MFHAS1: variants seen among roughly 807,000 people sequenced by gnomAD.
The protein encoded by MFHAS1 is malignant fibrous histiocytoma-amplified sequence 1.
A neutral mutation model predicts 70.4 loss-of-function variants in MFHAS1; 50 were observed. The observed-to-expected ratio is 0.71, with a 90% CI of 0.57 to 0.90. MFHAS1 has a LOEUF of 0.90. Ranked by LOEUF, MFHAS1 falls within the 40% of genes least tolerant of loss-of-function variation. MFHAS1 has a pLI of 0.00. For synonymous variants in MFHAS1, 952 were observed against 620.0 expected (o/e 1.54, Z -7.96); for missense variants, 1,795 against 1,347.6 (o/e 1.33, Z -5.20).
rs1037772312 is a variant in MFHAS1 at position 8,801,599 on chromosome 8, T to G, written c.2999-4108A>C. Among the ~76,000 whole-genome samples, 3 of 152,250 alleles carry G rather than the reference T, an allele frequency of 2.0e-5. No homozygotes were observed. The East Asian group carries it at 5.8e-4, about 29-fold the overall frequency. On this transcript the variant is annotated intron_variant, in intron 1 of 2. Coordinates refer to ENST00000276282, the MANE Select transcript of MFHAS1 (RefSeq NM_004225.3). ...TTTCAAAATGATCTTAACTCACATATGAAGAATGGTTTATTTGTGTGCTAT... is the reference window on the plus strand; with the variant it reads ...TTTCAAAATGATCTTAACTCACATAGGAAGAATGGTTTATTTGTGTGCTAT...
At chr8:8,801,890 A>G (rs1322458241) in intron 1 of MFHAS1, among the ~76,000 whole-genome samples, 2 of 152,296 alleles carry the variant, frequency 1.3e-5, no homozygotes, top group Non-Finnish European at 2.9e-5. Flanking sequence ...AGTTCGGAGA[A>G]GGAGAGATTC....
At chr8:8,824,888 G>A (rs563326296) in intron 1 of MFHAS1, among the ~76,000 whole-genome samples, 2 of 152,322 alleles carry the variant, frequency 1.3e-5, no homozygotes, top group South Asian at 4.1e-4. Context: ...GGAAGGCTGC[G>A]CTGGCCTCAC....
At chr8:8,880,334 G>C (rs1251123061) in intron 1 of MFHAS1, among the ~76,000 whole-genome samples, 1 of 152,284 alleles carries the variant, frequency 6.6e-6, no homozygotes, top group East Asian at 1.9e-4. Context: ...AGATGTGGCA[G>C]GTGCACAACA....
chr8:8,887,799 G>C (rs1809824370), intron 1 of MFHAS1, among the ~76,000 whole-genome samples: 1 of 144,008 alleles, frequency 6.9e-6, no homozygotes, highest in Admixed American at 7.2e-5. Context: ...GTACAAGCTT[G>C]TCTGTGGAAT....
chr8:8,859,369 C>T (rs1808576518), intron 1 of MFHAS1, among the ~76,000 whole-genome samples: 1 of 152,146 alleles, frequency 6.6e-6, no homozygotes. Context: ...AAAAGTTCAC[C>T]ATGTTTCCTA....
At chr8:8,859,723 A>AAT (rs1808590617) in intron 1 of MFHAS1, among the ~76,000 whole-genome samples, 1 of 152,210 alleles carries the variant, frequency 6.6e-6, no homozygotes, top group Admixed American at 6.5e-5. Flanking sequence ...TATAGTATCT[A>AAT]ATATCTATAA....
At position 8,890,658 on chromosome 8, in the gene MFHAS1, G is replaced by C; in HGVS notation, c.2401C>G (p.His801Asp). Residue 801 changes from histidine to aspartate, a missense_variant, in exon 1 of 3, where the codon CAT becomes GAT. Coordinates refer to ENST00000276282, the MANE Select transcript of MFHAS1 (RefSeq NM_004225.3). ...GGCTTAAGCAGCAACCGAATGACATGAGCTGGCAAGAGCCCATGCAACAGA... is the reference window on the plus strand; with the variant it reads ...GGCTTAAGCAGCAACCGAATGACATCAGCTGGCAAGAGCCCATGCAACAGA... Reference protein sequence around the residue: ...GFLLHGLLPAHVIRLLLKPHV... With the variant: ...GFLLHGLLPADVIRLLLKPHV... The C allele has an allele frequency of 6.2e-7, 1 of 1,613,516 alleles. No homozygotes were observed. Among genetic ancestry groups the C allele is most frequent in the Non-Finnish European group, 8.5e-7 (1 of 1,179,622 alleles).
In MFHAS1 at chr8:8,891,268, G is replaced by C; in HGVS notation, c.1791C>G (p.Gly597=). The change falls in exon 1 of 3, where the codon GGC becomes GGG. Residue 597 remains glycine (G), a synonymous_variant. Transcript: ENST00000276282. This position sits in a 1 kb window ranked among gnomAD's most constrained non-coding sequence, Gnocchi z 5.4. ...RSASPHAAYY[G]VSDKNLRRRK... ...GCCGTCGAAGGTTCTTGTCCGAAAC[G>C]CCATAGTAGGCTGCGTGGGGGCTGG... 1 of 1,611,950 alleles carries C rather than the reference G, an allele frequency of 6.2e-7. No individual in the cohort carries two copies. The highest frequency in any genetic ancestry group is 2.2e-5 in the East Asian group (1 of 44,866).
intron 1 of MFHAS1, among the ~76,000 whole-genome samples, chr8:8,817,139 A>T (rs1806776846): frequency 6.6e-6 from 1 of 152,172 alleles, no homozygotes; most frequent in Non-Finnish European, 1.5e-5. Context: ...GACTCCGAAA[A>T]CTAGCTCCAA....
chr8:8,891,961 C>G lies in MFHAS1; in HGVS notation c.1098G>C (p.Arg366=), dbSNP rs145659266. The G allele has an allele frequency of 2.7e-3, 4,311 of 1,612,086 alleles. 4 individuals are homozygous for G. The highest frequency in any genetic ancestry group is 3.4e-3 in the Non-Finnish European group (3,999 of 1,179,104). ...TGTCTTTGATCTTCCACAAACCCAC[C>G]CGGGAGAGCTGGCCAAAGTGGTCGG... ...VLPDHFGQLS[R]VGLWKIKDNP... is the part of the protein sequence containing the mutation. Residue 366 remains arginine (R), a synonymous_variant, in exon 1 of 3, where the codon CGG becomes CGC. Transcript: ENST00000276282. The surrounding 1 kb of genome is among the most constrained non-coding windows in gnomAD (Gnocchi z 5.4).
At chr8:8,828,054 T>A (rs1368474802) in intron 1 of MFHAS1, among the ~76,000 whole-genome samples, 1 of 152,196 alleles carries the variant, frequency 6.6e-6, no homozygotes, top group Non-Finnish European at 1.5e-5. Flanking sequence ...TGATTAGGAA[T>A]GCCACCTTTT....
At chr8:8,787,891 T>C (rs1439662343) in intron 2 of MFHAS1, among the ~76,000 whole-genome samples, 2 of 152,194 alleles carry the variant, frequency 1.3e-5, no homozygotes, top group African/African-American at 2.4e-5. Context: ...AGCTTGAAAA[T>C]TGTTTCACAT....
chr8:8,804,678 A>G (rs910626070), intron 1 of MFHAS1, among the ~76,000 whole-genome samples: 6 of 152,180 alleles, frequency 3.9e-5, no homozygotes, highest in African/African-American at 1.4e-4. Context: ...CAAAGTGGTG[A>G]TAGTTATAGG....
Position 8,890,664 on chromosome 8 carries a change from G to A in MFHAS1, c.2395C>T (p.Pro799Ser), listed in dbSNP as rs1404230952. 4 of 1,613,410 alleles carry A rather than the reference G, an allele frequency of 2.5e-6. No homozygotes were observed. The highest frequency in any genetic ancestry group is 3.4e-6 in the Non-Finnish European group (4 of 1,179,632). ...AGCAGCAACCGAATGACATGAGCTG[G>A]CAAGAGCCCATGCAACAGAAAGCCC... The part of the protein sequence containing the change: ...VEGFLLHGLL[P>S]AHVIRLLLKP... Residue 799 changes from proline to serine, a missense_variant, in exon 1 of 3, where the codon CCA becomes TCA. By Grantham distance (74) the Pro-to-Ser change is moderately conservative. Coordinates refer to ENST00000276282, the MANE Select transcript of MFHAS1 (RefSeq NM_004225.3).
At chr8:8,802,648 G>C (rs1284383816) in intron 1 of MFHAS1, among the ~76,000 whole-genome samples, 1 of 152,218 alleles carries the variant, frequency 6.6e-6, no homozygotes, top group East Asian at 1.9e-4. Context: ...GCAGCTCCTT[G>C]CATGGTGGAG....
intron 1 of MFHAS1, among the ~76,000 whole-genome samples, chr8:8,862,111 G>A (rs531700311): frequency 2.0e-5 from 3 of 152,318 alleles, no homozygotes; most frequent in South Asian, 2.1e-4. Context: ...CTAGCAAACT[G>A]TTTCCCCAAA....
At chr8:8,848,534 C>G (rs1808117702) in intron 1 of MFHAS1, among the ~76,000 whole-genome samples, 1 of 152,192 alleles carries the variant, frequency 6.6e-6, no homozygotes, top group South Asian at 2.1e-4. Flanking sequence ...TCAAAAACCC[C>G]TGATCATTTA....
At chr8:8,820,812 A>C (rs1806924938) in intron 1 of MFHAS1, among the ~76,000 whole-genome samples, 1 of 152,252 alleles carries the variant, frequency 6.6e-6, no homozygotes, top group African/African-American at 2.4e-5. Flanking sequence ...AGTGCGAAGC[A>C]TGATTCCAGG....
At chr8:8,867,586 G>T (rs1209271614) in intron 1 of MFHAS1, among the ~76,000 whole-genome samples, 1 of 149,844 alleles carries the variant, frequency 6.7e-6, no homozygotes, top group Non-Finnish European at 1.5e-5. Context: ...TTGAGGTGGA[G>T]TCTCGCTGTC....
Sources: gnomAD v4.1 joint callset for allele counts (sites outside exome capture counted in the v4.1 genomes callset) on GRCh38, gnomAD v4.1.1 for gene constraint, Gnocchi (gnomAD v3.1) non-coding constraint, MANE v1.5 for transcripts, NCBI Gene and HGNC (gene_info 2026-07-23, HGNC 2026-07-21) for gene names.